PDGFRA: variants seen among roughly 807,000 people sequenced by gnomAD.
PDGFRA encodes the protein platelet-derived growth factor receptor alpha.
In PDGFRA, 25 loss-of-function variants were observed where a neutral mutation model predicts 121.5. That is an observed-to-expected ratio of 0.21 (90% CI 0.15 to 0.29). PDGFRA has a LOEUF of 0.29. PDGFRA is among the 10% of genes least tolerant of loss of function. The probability of loss-of-function intolerance (pLI) is 1.00; values close to 1 mark genes in which losing one functional copy is unlikely to be tolerated. For missense variants in PDGFRA, 1,008 were observed against 1,345.1 expected, an observed-to-expected ratio of 0.75 and a Z score of 3.92; for synonymous variants, 463 against 494.8, an observed-to-expected ratio of 0.94 and a Z score of 0.85.
chr4:54,289,677 A>C (rs1321771523), intron 21 of PDGFRA, among the ~76,000 whole-genome samples: 1 of 152,102 alleles, frequency 6.6e-6, no homozygotes, highest in East Asian at 1.9e-4. Flanking sequence ...TAGACTTTTT[A>C]TACTTATCAT....
intron 15 of PDGFRA, among the ~76,000 whole-genome samples, chr4:54,279,598 T>A (rs1723952732): frequency 6.6e-6 from 1 of 152,172 alleles, no homozygotes; most frequent in African/African-American, 2.4e-5. Flanking sequence ...AAGTGGTATT[T>A]GGTTACATGA....
chr4:54,278,553 T>C (rs2110317521), intron 15 of PDGFRA, 38 bp downstream of exon 15: 1 of 1,597,982 alleles, frequency 6.3e-7, no homozygotes. Flanking sequence ...TATCATTATC[T>C]TACAGGCATC....
At chr4:54,230,474 C>G (rs986922782) in intron 1 of PDGFRA, 1 of 152,360 alleles carries the variant, frequency 6.6e-6, no homozygotes, top group Non-Finnish European at 1.5e-5. Context: ...GGAATCATTT[C>G]TGCATTGCCC....
At chr4:54,268,666 A>G (rs931174549) in intron 7 of PDGFRA, among the ~76,000 whole-genome samples, 1 of 150,910 alleles carries the variant, frequency 6.6e-6, no homozygotes, top group African/African-American at 2.4e-5. Context: ...ATGGAATTTT[A>G]CAGCCTCTAT....
chr4:54,280,033 G>C (rs945563087), intron 15 of PDGFRA, among the ~76,000 whole-genome samples: 2 of 152,050 alleles, frequency 1.3e-5, no homozygotes, highest in African/African-American at 4.8e-5. Context: ...GAATTGTGCT[G>C]CTATAAACAT....
chr4:54,229,952 G>A (rs1389435138), intron 1 of PDGFRA: 1 of 149,700 alleles, frequency 6.7e-6, no homozygotes, highest in Non-Finnish European at 1.5e-5. Context: ...GGGGAGAGGG[G>A]AGCGTGGAGG....
In PDGFRA at chr4:54,272,419, C is replaced by A. The variant is rs376486197; in HGVS notation, c.1263C>A (p.Val421=). The change falls in exon 9 of 23, where the codon GTC becomes GTA. Residue 421 remains valine, a synonymous_variant. Coordinates refer to ENST00000257290, the MANE Select transcript of PDGFRA (RefSeq NM_006206.6). ...TTCCTTCATCCATTCTGGACTTGGT[C>A]GATGATCACCATGGCTCAACTGGGG... ...TQVPSSILDL[V]DDHHGSTGGQ... is the part of the protein sequence containing the mutation. 1.2e-6 allele frequency: 2 copies of A among 1,613,968 alleles called. No individual in the cohort carries two copies. The highest frequency in any genetic ancestry group is 1.1e-5 in the South Asian group (1 of 91,050).
chr4:54,290,652 G>T, intron 22 of PDGFRA, 98 bp downstream of exon 22: 1 of 1,358,804 alleles, frequency 7.4e-7, no homozygotes, highest in South Asian at 1.2e-5. Flanking sequence ...CTCCCGGTTG[G>T]TAAATATGTA....
In PDGFRA at chr4:54,287,476, A is replaced by G. The variant is rs1553906267; in HGVS notation, c.2609A>G (p.Asn870Ser). 2 of 1,580,724 alleles carry G rather than the reference A, an allele frequency of 1.3e-6. No individual in the cohort carries two copies. The highest frequency in any genetic ancestry group is 1.7e-6 in the Non-Finnish European group (2 of 1,149,760). Reference sequence around the variant, plus strand: ...ATGGCTCCTGAGAGCATCTTTGACAACCTCTACACCACACTGAGTGATGTC... The same window carrying G: ...ATGGCTCCTGAGAGCATCTTTGACAGCCTCTACACCACACTGAGTGATGTC... Reference protein sequence around the residue: ...KWMAPESIFDNLYTTLSDVWS... With the variant: ...KWMAPESIFDSLYTTLSDVWS... Residue 870 changes from asparagine to serine, a missense_variant, in exon 19 of 23, where the codon AAC becomes AGC. Asn to Ser is a conservative substitution (Grantham distance 46, BLOSUM62 1). This residue lies in a region of PDGFRA where 40 missense variants were observed against 127.4 expected (regional missense o/e 0.31). Transcript: ENST00000257290.
intron 16 of PDGFRA, chr4:54,282,104 AT>A: frequency 3.1e-6 from 1 of 323,528 alleles, no homozygotes; most frequent in Non-Finnish European, 4.6e-6. Flanking sequence ...AAAAAAAGAA[AT>A]TTAGGAGGTA....
intron 1 of PDGFRA, chr4:54,230,320 C>T (rs2110160515): frequency 6.6e-6 from 1 of 152,610 alleles, no homozygotes; most frequent in Non-Finnish European, 1.5e-5. Flanking sequence ...TAATGACAAA[C>T]ACATTTGGCC....
chr4:54,251,077 A>T (rs1049439643), intron 1 of PDGFRA, among the ~76,000 whole-genome samples: 7 of 151,926 alleles, frequency 4.6e-5, no homozygotes, highest in Non-Finnish European at 1.0e-4. Flanking sequence ...AAAAAAAAAA[A>T]AAAAAAAAAT....
intron 1 of PDGFRA, among the ~76,000 whole-genome samples, chr4:54,253,840 A>G (rs1423710560): frequency 1.3e-5 from 2 of 152,008 alleles, no homozygotes; most frequent in Admixed American, 6.6e-5. Context: ...GTGTGCCACC[A>G]TGCCCGGCTA....
At position 54,296,555 on chromosome 4, in the gene PDGFRA, A is replaced by G; in HGVS notation, c.*1283A>G. On this transcript the variant is annotated 3_prime_UTR_variant, in exon 23 of 23. Coordinates refer to ENST00000257290, the MANE Select transcript of PDGFRA (RefSeq NM_006206.6). ...AAAGATATTCTTTAGTGGAGGCTGG[A>G]TGTGCATTAGCCTGGATCCTCAGTT... 1 of 232,650 alleles carries G rather than the reference A, an allele frequency of 4.3e-6. No homozygotes were observed. Among genetic ancestry groups the G allele is most frequent in the Non-Finnish European group, 8.5e-6 (1 of 117,718 alleles). The allele number at this position is 232,650 out of a possible 1,614,324, so 14.4% of individuals were successfully genotyped here. A position where few individuals can be genotyped will look rare whatever the true frequency, so the allele number is the denominator to read the frequency against.
rs752368881 is a variant in PDGFRA at position 54,273,663 on chromosome 4, C to T, written c.1491C>T (p.Ile497=). The T allele has an allele frequency of 4.3e-6, 7 of 1,613,906 alleles. No homozygotes were observed. The South Asian group carries it at 4.4e-5, about 10-fold the overall frequency. Residue 497 remains isoleucine (I), a synonymous_variant, in exon 10 of 23, where the codon ATC becomes ATT. Transcript: ENST00000257290. Reference sequence around the variant, plus strand: ...CTTTCGCCAAAGTGGAGGAGACCATCGCCGTGCGATGCCTGGCTAAGAATC... The same window carrying T: ...CTTTCGCCAAAGTGGAGGAGACCATTGCCGTGCGATGCCTGGCTAAGAATC... ...RVTFAKVEET[I]AVRCLAKNLL... is the part of the protein sequence containing the mutation.
At chr4:54,276,713 A>G (rs2110305693) in intron 12 of PDGFRA, 1 of 153,046 alleles carries the variant, frequency 6.5e-6, no homozygotes, top group East Asian at 1.9e-4. Flanking sequence ...TTATGAGCCA[A>G]GTCTTTTCCT....
intron 1 of PDGFRA, among the ~76,000 whole-genome samples, chr4:54,245,819 A>G (rs2110201786): frequency 6.6e-6 from 1 of 152,284 alleles, no homozygotes; most frequent in Non-Finnish European, 1.5e-5. Flanking sequence ...CAGGAAACCC[A>G]TCTCACGTGC....
chr4:54,255,638 G>A (rs1225234688), intron 1 of PDGFRA, among the ~76,000 whole-genome samples: 1 of 151,270 alleles, frequency 6.6e-6, no homozygotes, highest in East Asian at 2.0e-4. Context: ...CCTGAGTAGC[G>A]GGGACTACAG....
intron 2 of PDGFRA, 125 bp downstream of exon 2, chr4:54,258,942 C>T: frequency 1.2e-6 from 1 of 814,564 alleles, no homozygotes; most frequent in Non-Finnish European, 2.1e-6. Flanking sequence ...AAATAGAAAA[C>T]TATAGGACGT....
Sources: allele counts gnomAD v4.1 joint callset (sites outside exome capture counted in the v4.1 genomes callset), GRCh38; gene constraint gnomAD v4.1.1; regional missense constraint gnomAD v4.1.1; transcripts MANE v1.5; gene names NCBI Gene and HGNC (gene_info 2026-07-23, HGNC 2026-07-21).